Variants in DRC4 observed in about 807,000 individuals in gnomAD.
The protein encoded by DRC4 is dynein regulatory complex subunit 4.
At chr16:90,044,058 C>T in the DRC4 span, 1 of 442,868 alleles carries the variant, frequency 2.3e-6, no homozygotes, top group Admixed American at 3.1e-5. Flanking sequence ...CCCAACACAC[C>T]TGAGAGAATT....
chr16:90,023,223 C>G, the DRC4 span, among the ~76,000 whole-genome samples: 1 of 152,162 alleles, frequency 6.6e-6, no homozygotes, highest in Non-Finnish European at 1.5e-5. Flanking sequence ...CCCTCTACAC[C>G]AAGGAGGCCC....
At chr16:90,031,175 G>A in the DRC4 span, 1 of 1,527,430 alleles carries the variant, frequency 6.5e-7, no homozygotes, top group Non-Finnish European at 8.8e-7. Flanking sequence ...TTTACATTTA[G>A]CTGTTTATTT....
chr16:90,029,351 T>G, the DRC4 span: 12 of 1,333,650 alleles, frequency 9.0e-6, no homozygotes, highest in African/African-American at 1.8e-4. Flanking sequence ...ATCTGTTCAC[T>G]GGGGAGTGCC....
At chr16:90,027,947 TAGG>T in the DRC4 span, 1 of 551,524 alleles carries the variant, frequency 1.8e-6, no homozygotes. Flanking sequence ...AACAGGGTGG[TAGG>T]AGTGTGGAAG....
chr16:90,032,957 G>C, the DRC4 span: 19 of 1,593,076 alleles, frequency 1.2e-5, no homozygotes, highest in Middle Eastern at 1.7e-4. Flanking sequence ...GAGGCTGACA[G>C]GTTGTTGGGA....
chr16:90,036,398 G>A, the DRC4 span: 3 of 1,606,872 alleles, frequency 1.9e-6, no homozygotes, highest in Non-Finnish European at 2.6e-6. Context: ...GGCCAAGTAT[G>A]ATAAGAAGAT....
At chr16:90,043,145 G>C in the DRC4 span, 2 of 1,567,396 alleles carry the variant, frequency 1.3e-6, no homozygotes, top group African/African-American at 1.4e-5. Context: ...CAGCTCTGGT[G>C]GTCCTGAGCG....
chr16:90,042,851 G>A, the DRC4 span: 20 of 505,114 alleles, frequency 4.0e-5, no homozygotes, highest in East Asian at 1.0e-4. Context: ...GGAAACAGAC[G>A]TCATTCAACA....
At chr16:90,036,022 A>C in the DRC4 span, 2 of 940,752 alleles carry the variant, frequency 2.1e-6, no homozygotes, top group Non-Finnish European at 3.0e-6. Flanking sequence ...AGAAGGCTCC[A>C]ATTTCAGAAG....
the DRC4 span, chr16:90,031,628 TA>T: frequency 9.9e-7 from 1 of 1,005,262 alleles, no homozygotes; most frequent in Non-Finnish European, 1.4e-6. Context: ...GTGTTTTTTA[TA>T]AAAGCCTGAG....
the DRC4 span, chr16:90,027,841 C>T: frequency 1.1e-5 from 10 of 895,564 alleles, no homozygotes; most frequent in East Asian, 2.6e-5. Context: ...AGCCAGAACA[C>T]GCCCCCCGCG....
the DRC4 span, chr16:90,040,320 G>A: frequency 1.3e-6 from 2 of 1,593,792 alleles, no homozygotes; most frequent in Non-Finnish European, 8.5e-7. Context: ...AGCGGGACGA[G>A]CTCTATCGGA....
At chr16:90,022,743 G>A in the DRC4 span, 1 of 1,399,064 alleles carries the variant, frequency 7.1e-7, no homozygotes, top group Non-Finnish European at 9.4e-7. Context: ...GGGCGGGAGC[G>A]GGGCTGGGGT....
chr16:90,036,442 A>G, the DRC4 span: 1 of 1,613,580 alleles, frequency 6.2e-7, no homozygotes, highest in Non-Finnish European at 8.5e-7. Context: ...ACTTGCGGAG[A>G]AAGACTGAGC....
At chr16:90,019,968 G>A in the DRC4 span, 22 of 698,460 alleles carry the variant, frequency 3.1e-5, no homozygotes, top group Non-Finnish European at 2.1e-5. The surrounding 1 kb of genome is among the most constrained non-coding windows in gnomAD (Gnocchi z 6.1). Context: ...GAGGTAAGGA[G>A]AGGGCGGCGG....
At chr16:90,030,861 T>G in the DRC4 span, among the ~76,000 whole-genome samples, 1 of 152,098 alleles carries the variant, frequency 6.6e-6, no homozygotes, top group Non-Finnish European at 1.5e-5. Flanking sequence ...CGAGGGATCC[T>G]TCAACCTCAG....
the DRC4 span, chr16:90,022,744 G>C: frequency 1.4e-6 from 2 of 1,399,452 alleles, no homozygotes; most frequent in East Asian, 3.0e-5. Flanking sequence ...GGCGGGAGCG[G>C]GGCTGGGGTC....
chr16:90,024,123 T>TACTCACAC, the DRC4 span, among the ~76,000 whole-genome samples: 1 of 139,396 alleles, frequency 7.2e-6, no homozygotes, highest in East Asian at 2.2e-4. Flanking sequence ...TTACTAAAAA[T>TACTCACAC]ACACACACAC....
At chr16:90,034,351 C>A in the DRC4 span, among the ~76,000 whole-genome samples, 1 of 152,102 alleles carries the variant, frequency 6.6e-6, no homozygotes, top group African/African-American at 2.4e-5. Flanking sequence ...AGGCCGGGTG[C>A]GGTGGCTCAC....
Sources: allele counts gnomAD v4.1 joint callset (sites outside exome capture counted in the v4.1 genomes callset), GRCh38; gene constraint gnomAD v4.1.1; non-coding constraint Gnocchi (gnomAD v3.1); transcripts MANE v1.5; gene names NCBI Gene and HGNC (gene_info 2026-07-23, HGNC 2026-07-21).